The following GRIK5 variants were observed in gnomAD, a reference collection of about 807,000 sequenced individuals.
GRIK5 encodes glutamate ionotropic receptor kainate type subunit 5, also known as glutamate receptor ionotropic, kainate 5.
GRIK5 carries 43 observed loss-of-function variants against 97.4 expected under a neutral mutation model. That is an observed-to-expected ratio of 0.44 (90% CI 0.35 to 0.57). The LOEUF (loss-of-function observed/expected upper bound fraction) is 0.57, where lower values mean the gene tolerates loss of function less well. Among genes scored for constraint, GRIK5 ranks in the 20% least tolerant of loss-of-function variants. The pLI is 0.01. For missense variants in GRIK5, 1,015 were observed against 1,382.0 expected, an observed-to-expected ratio of 0.73 and a Z score of 4.21; for synonymous variants, 580 against 583.5, an observed-to-expected ratio of 0.99 and a Z score of 0.09.
chr19:42,018,323 CAAAAA>C (rs1012859381), intron 15 of GRIK5, among the ~76,000 whole-genome samples: 1 of 122,066 alleles, frequency 8.2e-6, no homozygotes, highest in Non-Finnish European at 1.7e-5. Context: ...GACTCTGTCT[CAAAAA>C]AAAAAAGAAA....
chr19:42,001,890 T>C (rs1165510548), intron 19 of GRIK5: 1 of 545,264 alleles, frequency 1.8e-6, no homozygotes, highest in Non-Finnish European at 3.2e-6. Context: ...GGTGGGATCA[T>C]TCAAGTAGTG....
chr19:42,025,095 C>A (rs1156861948), intron 12 of GRIK5, among the ~76,000 whole-genome samples: 1 of 152,116 alleles, frequency 6.6e-6, no homozygotes, highest in Non-Finnish European at 1.5e-5. Flanking sequence ...TCCTCTGGGG[C>A]CCTCCCAGAT....
chr19:42,059,747 C>T (rs1316411942), intron 5 of GRIK5, among the ~76,000 whole-genome samples: 2 of 152,144 alleles, frequency 1.3e-5, no homozygotes, highest in Non-Finnish European at 2.9e-5. Context: ...ACTCCAGATT[C>T]CTGTCTCTGC....
intron 6 of GRIK5, among the ~76,000 whole-genome samples, chr19:42,057,213 G>A (rs2076198451): frequency 6.6e-6 from 1 of 152,128 alleles, no homozygotes; most frequent in African/African-American, 2.4e-5. Flanking sequence ...GCTGTCCCAG[G>A]TGGGACATTT....
intron 12 of GRIK5, among the ~76,000 whole-genome samples, chr19:42,033,195 G>A (rs761413510): frequency 4.0e-5 from 6 of 151,770 alleles, no homozygotes; most frequent in African/African-American, 9.7e-5. Context: ...GCGTGTGCCC[G>A]TAGTCCCAGT....
intron 15 of GRIK5, among the ~76,000 whole-genome samples, chr19:42,012,275 G>C (rs2075573463): frequency 6.6e-6 from 1 of 152,096 alleles, no homozygotes; most frequent in African/African-American, 2.4e-5. Context: ...TTTGGAGACA[G>C]AGTCTCTCTC....
chr19:42,020,857 G>C (rs1234697384), intron 15 of GRIK5, among the ~76,000 whole-genome samples: 1 of 152,076 alleles, frequency 6.6e-6, no homozygotes, highest in Non-Finnish European at 1.5e-5. Context: ...CAGCCCTCAG[G>C]GCTGCTCTGT....
At position 42,062,893 on chromosome 19, in the gene GRIK5, C is replaced by T; in HGVS notation, c.245-38G>A. On this transcript the variant is annotated intron_variant, in intron 3 of 19. Transcript: ENST00000593562. The surrounding 1 kb of genome is among the most constrained non-coding windows in gnomAD (Gnocchi z 5.3). ...GGGAAGAGACCGCAGAGTCAGGGAC[C>T]CCCTGCCTCCTCTCCTTCCCCATCC... The T allele has an allele frequency of 6.9e-7, 1 of 1,451,722 alleles. No homozygotes were observed. The highest frequency in any genetic ancestry group is 9.7e-7 in the Non-Finnish European group (1 of 1,032,914). 89.9% of individuals were successfully genotyped at this position (1,451,722 alleles called of 1,614,324 possible).
Position 42,022,157 on chromosome 19 carries a change from G to A in GRIK5, c.1587+84C>T. The A allele has an allele frequency of 1.4e-6, 2 of 1,403,510 alleles. No individual in the cohort carries two copies. The highest frequency in any genetic ancestry group is 2.4e-5 in the South Asian group (2 of 84,894). The allele number at this position is 1,403,510 out of a possible 1,614,324, so 86.9% of individuals were successfully genotyped here. A position where few individuals can be genotyped will look rare whatever the true frequency, so the allele number is the denominator to read the frequency against. ...CTGGGAGCCTGACCGGCCCATCTGA[G>A]GTCCTGGGGCTGTCTGGCTCCCACT... On this transcript the variant is annotated intron_variant, in intron 13 of 19. Transcript: ENST00000593562. The surrounding 1 kb of genome is among the most constrained non-coding windows in gnomAD (Gnocchi z 4.2).
At chr19:42,061,280 A>G (rs2076255904) in intron 5 of GRIK5, among the ~76,000 whole-genome samples, 1 of 152,122 alleles carries the variant, frequency 6.6e-6, no homozygotes, top group Admixed American at 6.5e-5. Flanking sequence ...TCCTGACCTC[A>G]TGATTCGCCC....
chr19:42,068,417 A>G (rs1236606759), intron 1 of GRIK5: 3 of 268,370 alleles, frequency 1.1e-5, no homozygotes, highest in Non-Finnish European at 2.1e-5. Context: ...AGAGAATGGG[A>G]GTGGAAAGAG....
chr19:42,029,341 C>T lies in GRIK5; in HGVS notation c.1474-6987G>A, dbSNP rs574354104. ...TCAGCCTCCCACAGTGCTGGGATTA[C>T]AGGCGTGAGCCACCGAGCCTGGCTG... On this transcript the variant is annotated intron_variant, in intron 12 of 19. Coordinates refer to ENST00000593562, the MANE Select transcript of GRIK5 (RefSeq NM_002088.5). Among the ~76,000 whole-genome samples, 309 of 151,672 alleles carry T rather than the reference C, an allele frequency of 2.0e-3. 5 individuals carry two copies. The highest frequency in any genetic ancestry group is 9.8e-4 in the Admixed American group (15 of 15,232).
At chr19:42,012,062 CTAACCA>C (rs2075569193) in intron 15 of GRIK5, among the ~76,000 whole-genome samples, 1 of 152,142 alleles carries the variant, frequency 6.6e-6, no homozygotes, top group African/African-American at 2.4e-5. Context: ...AGATTTAAAC[CTAACCA>C]TATCAGTAAT....
Position 42,021,330 on chromosome 19 carries a change from C to T in GRIK5, c.1842G>A (p.Ala614=), listed in dbSNP as rs752519582. Residue 614 remains alanine (A), a synonymous_variant, in exon 15 of 20, where the codon GCG becomes GCA. Transcript: ENST00000593562. This position sits in a 1 kb window ranked among gnomAD's most constrained non-coding sequence, Gnocchi z 4.2. ...CTCCGCTGACACAGCGCGTGGACAG[C>T]GCCCGGGGCATGATCTCCGAGCCCT... is the stretch of plus-strand genomic sequence containing the variant. ...MQQGSEIMPR[A]LSTRCVSGVW... 18 of 1,613,052 alleles carry T rather than the reference C, an allele frequency of 1.1e-5. No homozygotes were observed. Among genetic ancestry groups the T allele is most frequent in the Middle Eastern group, 1.8e-4 (1 of 5,632 alleles).
At chr19:42,037,690 A>G (rs2075925011) in intron 12 of GRIK5, among the ~76,000 whole-genome samples, 1 of 152,174 alleles carries the variant, frequency 6.6e-6, no homozygotes, top group Admixed American at 6.6e-5. Context: ...TCATTGCCTC[A>G]GCTGCCCAGG....
At chr19:42,047,139 C>T (rs1020191796) in intron 11 of GRIK5, among the ~76,000 whole-genome samples, 24 of 152,024 alleles carry the variant, frequency 1.6e-4, no homozygotes, top group Non-Finnish European at 4.4e-5. Context: ...CTGCCCACCC[C>T]GGCCTCCCAA....
Position 42,065,632 on chromosome 19 carries a change from G to A in GRIK5, c.79+60C>T, listed in dbSNP as rs1347311654. ...TGGACCCTGACGGACTGGCATGCCTGGGTCCCCAGAGGAGCCCCAGGGCCT... is the reference window on the plus strand; with the variant it reads ...TGGACCCTGACGGACTGGCATGCCTAGGTCCCCAGAGGAGCCCCAGGGCCT... On this transcript the variant is annotated intron_variant, in intron 2 of 19. Coordinates refer to ENST00000593562, the MANE Select transcript of GRIK5 (RefSeq NM_002088.5). The surrounding 1 kb of genome is among the most constrained non-coding windows in gnomAD (Gnocchi z 5.8). 1 of 1,369,706 alleles carries A rather than the reference G, an allele frequency of 7.3e-7. No individual in the cohort carries two copies. Among genetic ancestry groups the A allele is most frequent in the African/African-American group, 1.4e-5 (1 of 69,766 alleles). 84.8% of individuals were successfully genotyped at this position (1,369,706 alleles called of 1,614,324 possible).
chr19:42,068,008 A>T (rs1245324756), intron 1 of GRIK5, among the ~76,000 whole-genome samples: 1 of 152,204 alleles, frequency 6.6e-6, no homozygotes, highest in Non-Finnish European at 1.5e-5. Context: ...AGGCAAAGGG[A>T]GATAAAGAAA....
Position 42,006,585 on chromosome 19 carries a change from T to G in GRIK5, c.2037+60A>C. 10 of 1,487,694 alleles carry G rather than the reference T, an allele frequency of 6.7e-6. No individual in the cohort carries two copies. Among genetic ancestry groups the G allele is most frequent in the Non-Finnish European group, 9.4e-6 (10 of 1,069,176 alleles). 92.2% of individuals were successfully genotyped at this position (1,487,694 alleles called of 1,614,324 possible). A position where few individuals can be genotyped will look rare whatever the true frequency, so the allele number is the denominator to read the frequency against. On this transcript the variant is annotated intron_variant, in intron 16 of 19. Transcript: ENST00000593562. This position sits in a 1 kb window ranked among gnomAD's most constrained non-coding sequence, Gnocchi z 5.3. ...CAGGAGACCCTGCCCAGACCCATCCTGAGCTGCTTTGCATGGCAGGGATCC... is the reference window on the plus strand; with the variant it reads ...CAGGAGACCCTGCCCAGACCCATCCGGAGCTGCTTTGCATGGCAGGGATCC...
Sources: gnomAD v4.1 joint callset for allele counts (sites outside exome capture counted in the v4.1 genomes callset) on GRCh38, gnomAD v4.1.1 for gene constraint, Gnocchi (gnomAD v3.1) non-coding constraint, MANE v1.5 for transcripts, NCBI Gene and HGNC (gene_info 2026-07-23, HGNC 2026-07-21) for gene names.